MAGI2: variants seen among roughly 807,000 people sequenced by gnomAD.
MAGI2 encodes membrane associated guanylate kinase, WW and PDZ domain containing 2, also known as membrane-associated guanylate kinase, WW and PDZ domain-containing protein 2.
In MAGI2, 35 loss-of-function variants were observed where a neutral mutation model predicts 133.3. That is an observed-to-expected ratio of 0.26 (90% CI 0.20 to 0.35). MAGI2 has a LOEUF of 0.35. MAGI2 is among the 10% of genes least tolerant of loss of function. The pLI is 1.00. For synonymous variants in MAGI2, 729 were observed against 710.6 expected (o/e 1.03, Z -0.41); for missense variants, 1,636 against 1,863.4 (o/e 0.88, Z 2.25).
chr7:79,009,682 T>C (rs1373823460), intron 1 of MAGI2, among the ~76,000 whole-genome samples: 1 of 152,132 alleles, frequency 6.6e-6, no homozygotes, highest in Non-Finnish European at 1.5e-5. Flanking sequence ...ATTCAATCAT[T>C]CTCCACTTTC....
At chr7:78,942,458 A>G (rs1801063383) in intron 2 of MAGI2, among the ~76,000 whole-genome samples, 1 of 152,160 alleles carries the variant, frequency 6.6e-6, no homozygotes, top group Non-Finnish European at 1.5e-5. Flanking sequence ...GTGGAAACTT[A>G]GATATAAATG....
chr7:78,097,730 G>T (rs1326939953), intron 20 of MAGI2, among the ~76,000 whole-genome samples: 1 of 151,930 alleles, frequency 6.6e-6, no homozygotes, highest in South Asian at 2.1e-4. Flanking sequence ...TTAATTCTTG[G>T]GTGACAAAAT....
chr7:78,127,149 C>T (rs779093345), intron 19 of MAGI2, 48 bp downstream of exon 19: 10 of 1,394,680 alleles, frequency 7.2e-6, no homozygotes, highest in Non-Finnish European at 9.7e-6. Flanking sequence ...CCTTGCAGTT[C>T]TCTGGAAGCC....
chr7:78,709,415 A>T (rs13240156), intron 2 of MAGI2, among the ~76,000 whole-genome samples: 61,623 of 151,826 alleles, frequency 0.41, 13,085 homozygotes, highest in Non-Finnish European at 0.48. Context: ...AAGCTTCTAC[A>T]TATCCCTCAA....
intron 9 of MAGI2, among the ~76,000 whole-genome samples, chr7:78,276,657 TA>T (rs1489121199): frequency 5.3e-5 from 8 of 152,138 alleles, no homozygotes; most frequent in Non-Finnish European, 1.0e-4. Context: ...TGAATATAGG[TA>T]AAAGATAATT....
At chr7:79,315,175 T>TTTC (rs1201651632) in intron 1 of MAGI2, among the ~76,000 whole-genome samples, 1 of 151,740 alleles carries the variant, frequency 6.6e-6, no homozygotes, top group Non-Finnish European at 1.5e-5. Flanking sequence ...TTTTTTTTTT[T>TTTC]TTTAAGGTGA....
intron 20 of MAGI2, among the ~76,000 whole-genome samples, chr7:78,107,412 C>A (rs539614926): frequency 3.3e-5 from 5 of 152,234 alleles, no homozygotes; most frequent in Admixed American, 3.3e-4. Context: ...ATAGGGATTG[C>A]ATTGAATCTG....
chr7:78,998,691 C>T (rs7805367), intron 2 of MAGI2, among the ~76,000 whole-genome samples: 101,418 of 152,010 alleles, frequency 0.67, 34,050 homozygotes, highest in Non-Finnish European at 0.7. Flanking sequence ...TTTGGCTAGG[C>T]GCATTTAAAT....
At chr7:78,216,127 A>G (rs1402852073) in intron 10 of MAGI2, among the ~76,000 whole-genome samples, 1 of 152,240 alleles carries the variant, frequency 6.6e-6, no homozygotes. Flanking sequence ...ATCATGTTTT[A>G]AGGAAATATC....
chr7:78,533,582 G>A (rs1019398674), intron 3 of MAGI2, among the ~76,000 whole-genome samples: 1 of 152,158 alleles, frequency 6.6e-6, no homozygotes, highest in African/African-American at 2.4e-5. Flanking sequence ...TATCCAATAT[G>A]GCAGCCACTT....
At chr7:78,469,537 T>A (rs1364337855) in intron 6 of MAGI2, among the ~76,000 whole-genome samples, 5 of 152,208 alleles carry the variant, frequency 3.3e-5, no homozygotes, top group African/African-American at 4.8e-5. Context: ...TGCTTTTCTC[T>A]CTTTGGGATT....
At chr7:78,862,217 A>G (rs1486609539) in intron 2 of MAGI2, among the ~76,000 whole-genome samples, 2 of 152,192 alleles carry the variant, frequency 1.3e-5, no homozygotes, top group Non-Finnish European at 2.9e-5. Context: ...CTCTTTTACA[A>G]CAGAGTGCTT....
At chr7:78,777,107 G>A (rs1826045459) in intron 2 of MAGI2, among the ~76,000 whole-genome samples, 1 of 152,106 alleles carries the variant, frequency 6.6e-6, no homozygotes, top group African/African-American at 2.4e-5. Flanking sequence ...TTATATGTGG[G>A]TGCATGTATA....
chr7:78,663,075 C>T (rs958157299), intron 2 of MAGI2, among the ~76,000 whole-genome samples: 1 of 152,054 alleles, frequency 6.6e-6, no homozygotes, highest in Non-Finnish European at 1.5e-5. Flanking sequence ...TTGAATGGAA[C>T]TAAATTAGCA....
chr7:79,334,140 G>A (rs748100828), intron 1 of MAGI2, among the ~76,000 whole-genome samples: 1 of 152,078 alleles, frequency 6.6e-6, no homozygotes, highest in Non-Finnish European at 1.5e-5. Context: ...CTTGAAGTTA[G>A]GAGACCAGAT....
At chr7:78,902,798 T>TC (rs1179594887) in intron 2 of MAGI2, among the ~76,000 whole-genome samples, 1 of 152,076 alleles carries the variant, frequency 6.6e-6, no homozygotes, top group Non-Finnish European at 1.5e-5. Flanking sequence ...TGTTGGTAGT[T>TC]CTCCCGGGCA....
At chr7:79,354,887 T>TA (rs1412488201) in intron 1 of MAGI2, among the ~76,000 whole-genome samples, 3 of 152,004 alleles carry the variant, frequency 2.0e-5, no homozygotes, top group African/African-American at 7.3e-5. Context: ...CCTTAGTGAG[T>TA]AGCTGGGTTT....
chr7:78,476,913 T>C lies in MAGI2; in HGVS notation c.1045+12848A>G, dbSNP rs558189273. The stretch of plus-strand genomic sequence containing the variant: ...AAAAAAAATGCTTTTTAAAAAATCA[T>C]CATCAGCCTTGGAATGCACTGTTTT... On this transcript the variant is annotated intron_variant, in intron 6 of 21. Coordinates refer to ENST00000354212, the MANE Select transcript of MAGI2 (RefSeq NM_012301.4). Among the ~76,000 whole-genome samples, 3 of 152,058 alleles carry C rather than the reference T, an allele frequency of 2.0e-5. No homozygotes were observed. The South Asian group carries it at 6.2e-4, about 32-fold the overall frequency.
At chr7:78,270,675 G>T (rs975220525) in intron 9 of MAGI2, among the ~76,000 whole-genome samples, 1 of 151,838 alleles carries the variant, frequency 6.6e-6, no homozygotes, top group Non-Finnish European at 1.5e-5. Context: ...GAGACGATGG[G>T]GTTTTCTAAA....
Sources: allele counts gnomAD v4.1 joint callset (sites outside exome capture counted in the v4.1 genomes callset), GRCh38; gene constraint gnomAD v4.1.1; transcripts MANE v1.5; gene names NCBI Gene and HGNC (gene_info 2026-07-23, HGNC 2026-07-21).